NWD1: variants seen among roughly 807,000 people sequenced by gnomAD.
NWD1 encodes the protein NACHT domain- and WD repeat-containing protein 1.
In NWD1, 129 loss-of-function variants were observed where a neutral mutation model predicts 135.1. The observed-to-expected ratio is 0.96, with a 90% confidence interval of 0.83 to 1.11. NWD1 has a LOEUF of 1.11. NWD1 is among the 50% of genes least tolerant of loss of function. The pLI, the probability that NWD1 is intolerant of heterozygous loss-of-function variation, is 0.00. For missense variants in NWD1, 1,740 were observed against 1,851.3 expected, an observed-to-expected ratio of 0.94 and a Z score of 1.10; for synonymous variants, 773 against 786.0, an observed-to-expected ratio of 0.98 and a Z score of 0.28.
At chr19:16,785,396 A>G (rs897036784) in intron 12 of NWD1, among the ~76,000 whole-genome samples, 2 of 151,874 alleles carry the variant, frequency 1.3e-5, no homozygotes, top group African/African-American at 2.4e-5. Flanking sequence ...CTGTAATCCC[A>G]GCTACTCAGG....
intron 4 of NWD1, among the ~76,000 whole-genome samples, chr19:16,738,577 A>G (rs1185223147): frequency 6.7e-6 from 1 of 150,368 alleles, no homozygotes; most frequent in African/African-American, 2.5e-5. Flanking sequence ...AAAAAAAAAA[A>G]AAAAAAAGGA....
At position 16,740,220 on chromosome 19, in the gene NWD1, G is replaced by A. The variant is rs573810543; in HGVS notation, c.198+3470G>A. 4.1e-4 allele frequency among the ~76,000 whole-genome samples: 63 copies of A among 152,070 alleles called. 1 individual carries two copies. In the South Asian group the frequency reaches 0.013, roughly 32 times the overall value. ...AGGCTGAGATGGGAAAATCCCTTGA[G>A]CCCAGAAGTCTGAGGTGGCAGTGAA... On this transcript the variant is annotated intron_variant, in intron 4 of 18. Transcript: ENST00000524140.
rs751768291 is a variant in NWD1, at chr19:16,749,482, C to T, written c.840C>T (p.Arg280=). Residue 280 remains arginine, a synonymous_variant, in exon 6 of 19, where the codon CGC becomes CGT. Coordinates refer to ENST00000524140, the MANE Select transcript of NWD1 (RefSeq NM_001007525.5). The stretch of plus-strand genomic sequence containing the variant: ...GGGCCAATCACCAGGTCCTCACACG[C>T]CTCCGTGAGCTGGATACGGCCGGAC... ...VVRANHQVLT[R]LRELDTAGQE... is the part of the protein sequence containing the mutation. 2.5e-6 allele frequency: 4 copies of T among 1,611,966 alleles called. No homozygotes were observed. The highest frequency in any genetic ancestry group is 1.3e-5 in the African/African-American group (1 of 74,994).
In NWD1 at chr19:16,773,172, C is replaced by T. The variant is rs148295009; in HGVS notation, c.2457C>T (p.Phe819=). 195 of 1,613,936 alleles carry T rather than the reference C, an allele frequency of 1.2e-4. No homozygotes were observed. In the African/African-American group the frequency reaches 1.4e-3, roughly 12 times the overall value. ...YTELLARLHF[F]ATSHPALVGQ... is the part of the protein sequence containing the mutation. ...AACTGCTGGCCAGACTCCATTTCTT[C>T]GCCACCTCACATCCAGCACTGGTGG... The change falls in exon 11 of 19, where the codon TTC becomes TTT. Residue 819 remains phenylalanine, a synonymous_variant. Coordinates refer to ENST00000524140, the MANE Select transcript of NWD1 (RefSeq NM_001007525.5).
At chr19:16,771,230 T>C (rs921416815) in intron 10 of NWD1, among the ~76,000 whole-genome samples, 2 of 152,188 alleles carry the variant, frequency 1.3e-5, no homozygotes, top group Admixed American at 6.5e-5. Context: ...GGCAGGCAGA[T>C]TGCTTGAGGC....
intron 14 of NWD1, among the ~76,000 whole-genome samples, chr19:16,792,944 C>T (rs11670247): frequency 2.7e-5 from 4 of 148,994 alleles, no homozygotes; most frequent in Non-Finnish European, 1.5e-5. Flanking sequence ...ACTTGAGAGG[C>T]TGATGTGGGA....
At position 16,807,793 on chromosome 19, in the gene NWD1, C is replaced by T; in HGVS notation, c.3944C>T (p.Ala1315Val). The T allele has an allele frequency of 1.2e-6, 2 of 1,613,970 alleles. No homozygotes were observed. The highest frequency in any genetic ancestry group is 1.1e-5 in the South Asian group (1 of 91,076). ...MSLSKCEDRLAIAYDNIVLVL... is the reference protein window; with the variant it reads ...MSLSKCEDRLVIAYDNIVLVL... Reference sequence around the variant, plus strand: ...CTGAGCAAGTGCGAGGACCGCCTGGCCATCGCCTATGACAACATCGTCCTG... The same window carrying T: ...CTGAGCAAGTGCGAGGACCGCCTGGTCATCGCCTATGACAACATCGTCCTG... The change falls in exon 18 of 19, where the codon GCC becomes GTC. Residue 1315 changes from alanine (A) to valine (V), a missense_variant. Transcript: ENST00000524140.
chr19:16,781,148 C>A (rs1969839827), intron 12 of NWD1, among the ~76,000 whole-genome samples: 1 of 152,110 alleles, frequency 6.6e-6, no homozygotes, highest in Non-Finnish European at 1.5e-5. Flanking sequence ...CTGCTGAGTA[C>A]CAGGTCCTGT....
intron 4 of NWD1, among the ~76,000 whole-genome samples, chr19:16,740,857 T>A (rs1297221772): frequency 1.3e-5 from 2 of 151,990 alleles, no homozygotes; most frequent in Non-Finnish European, 2.9e-5. Flanking sequence ...TCCCATGCCC[T>A]ACAGAATCTT....
chr19:16,763,790 T>A lies in NWD1; in HGVS notation c.2134-38T>A, dbSNP rs781439671. On this transcript the variant is annotated intron_variant, in intron 8 of 18. Coordinates refer to ENST00000524140, the MANE Select transcript of NWD1 (RefSeq NM_001007525.5). ...CTTGTGCGTGGAGTGAATGAATGGGTTTGTGTCCAAGCTGCAGTCTCCCTT... is the reference window on the plus strand; with the variant it reads ...CTTGTGCGTGGAGTGAATGAATGGGATTGTGTCCAAGCTGCAGTCTCCCTT... 22 of 1,293,144 alleles carry A rather than the reference T, an allele frequency of 1.7e-5. No homozygotes were observed. In the South Asian group the frequency reaches 2.1e-4, roughly 13 times the overall value. The allele number at this position is 1,293,144 out of a possible 1,614,324, so 80.1% of individuals were successfully genotyped here.
Position 16,791,631 on chromosome 19 carries a change from C to A in NWD1, c.3213+9C>A. The stretch of plus-strand genomic sequence containing the variant: ...ATGGCTCCATCTCTTTGGTAAGCAC[C>A]TTTACTGACTATGATGTGAACATTA... On this transcript the variant is annotated intron_variant, in intron 14 of 18. Transcript: ENST00000524140. 6.2e-7 allele frequency: 1 copy of A among 1,613,224 alleles called. No individual in the cohort carries two copies. The highest frequency in any genetic ancestry group is 8.5e-7 in the Non-Finnish European group (1 of 1,179,322).
rs890724504 is a variant in NWD1 at position 16,749,543 on chromosome 19, C to A, written c.901C>A (p.His301Asn). 6 of 1,612,762 alleles carry A rather than the reference C, an allele frequency of 3.7e-6. No individual in the cohort carries two copies. Among genetic ancestry groups the A allele is most frequent in the African/African-American group, 1.3e-5 (1 of 74,904 alleles). ...GTGGCTCTACCAAGAGATCCGCCAC[C>A]ACCTTTGGCAGAGCTCGGAGGTCAT... The part of the protein sequence containing the change: ...LAWLYQEIRH[H>N]LWQSSEVIQT... The change falls in exon 6 of 19, where the codon CAC becomes AAC. Residue 301 changes from histidine to asparagine, a missense_variant. By Grantham distance (68) the His-to-Asn change is moderately conservative. Coordinates refer to ENST00000524140, the MANE Select transcript of NWD1 (RefSeq NM_001007525.5).
In NWD1 at chr19:16,813,609, T is replaced by C. The variant is rs553453518; in HGVS notation, c.4288-1419T>C. 3.9e-5 allele frequency among the ~76,000 whole-genome samples: 6 copies of C among 152,246 alleles called. No homozygotes were observed. In the South Asian group the frequency reaches 6.2e-4, roughly 16 times the overall value. Reference sequence around the variant, plus strand: ...CTCCTGCCTCAGCCTCCTGAGTAGCTGGGATTACGGGCGCCCACCACCACA... The same window carrying C: ...CTCCTGCCTCAGCCTCCTGAGTAGCCGGGATTACGGGCGCCCACCACCACA... On this transcript the variant is annotated intron_variant, in intron 18 of 18. Coordinates refer to ENST00000524140, the MANE Select transcript of NWD1 (RefSeq NM_001007525.5).
In NWD1 at chr19:16,791,479, G is replaced by T. The variant is rs747072077; in HGVS notation, c.3070G>T (p.Val1024Phe). Residue 1024 changes from valine to phenylalanine, a missense_variant, in exon 14 of 19, where the codon GTC becomes TTC. Physicochemically the swap from Val to Phe is conservative, Grantham distance 50. Coordinates refer to ENST00000524140, the MANE Select transcript of NWD1 (RefSeq NM_001007525.5). ...TLLTVSRDGV[V>F]SLWSSATGKL... Reference sequence around the variant, plus strand: ...GCTGACAGTGTCCAGGGATGGTGTGGTCAGTCTGTGGAGCTCAGCTACGGG... The same window carrying T: ...GCTGACAGTGTCCAGGGATGGTGTGTTCAGTCTGTGGAGCTCAGCTACGGG... 5.0e-6 allele frequency: 8 copies of T among 1,614,190 alleles called. No homozygotes were observed. In the Admixed American group the frequency reaches 6.7e-5, roughly 13 times the overall value.
At chr19:16,778,656 GC>G (rs1969747888) in intron 11 of NWD1, among the ~76,000 whole-genome samples, 1 of 151,830 alleles carries the variant, frequency 6.6e-6, no homozygotes, top group Admixed American at 6.6e-5. Flanking sequence ...TTACAGGTGT[GC>G]TTCACTATGC....
intron 4 of NWD1, among the ~76,000 whole-genome samples, chr19:16,738,648 T>A (rs2122740492): frequency 1.4e-5 from 2 of 146,800 alleles, no homozygotes; most frequent in Admixed American, 1.4e-4. Flanking sequence ...ACCTAAAGTG[T>A]CCCAACATTA....
intron 4 of NWD1, among the ~76,000 whole-genome samples, chr19:16,741,178 A>AG (rs1968063340): frequency 6.6e-6 from 1 of 151,910 alleles, no homozygotes; most frequent in South Asian, 2.1e-4. Flanking sequence ...GAAAAGGGGG[A>AG]GGGGACAGCC....
At chr19:16,758,504 T>C in intron 6 of NWD1, among the ~76,000 whole-genome samples, 1 of 152,162 alleles carries the variant, frequency 6.6e-6, no homozygotes, top group East Asian at 1.9e-4. Context: ...TCTTGAGCTC[T>C]GGCCTCGAGC....
At chr19:16,801,913 C>T (rs1970613126) in intron 17 of NWD1, among the ~76,000 whole-genome samples, 1 of 151,940 alleles carries the variant, frequency 6.6e-6, no homozygotes, top group Non-Finnish European at 1.5e-5. Flanking sequence ...CCCAGCTACT[C>T]AGGAGGCAGA....
Sources: gnomAD v4.1 joint callset for allele counts (sites outside exome capture counted in the v4.1 genomes callset) on GRCh38, gnomAD v4.1.1 for gene constraint, MANE v1.5 for transcripts, NCBI Gene and HGNC (gene_info 2026-07-23, HGNC 2026-07-21) for gene names.